Variants in TALDO1 observed in about 807,000 individuals in gnomAD.
TALDO1 encodes transaldolase.
Under a neutral mutation model 38.1 loss-of-function variants are expected in TALDO1, and 29 were observed. The observed-to-expected ratio is 0.76, with a 90% CI of 0.57 to 1.04. The LOEUF is 1.04. TALDO1 is among the 50% of genes least tolerant of loss of function. The probability of loss-of-function intolerance (pLI) is 0.00; values close to 1 mark genes in which losing one functional copy is unlikely to be tolerated. For synonymous variants in TALDO1, 207 were observed against 176.8 expected, an observed-to-expected ratio of 1.17 and a Z score of -1.36; for missense variants, 499 against 438.1, an observed-to-expected ratio of 1.14 and a Z score of -1.24.
Position 764,809 on chromosome 11 carries a change from C to T in TALDO1, c.982-4C>T. 2 of 1,614,180 alleles carry T rather than the reference C, an allele frequency of 1.2e-6. No homozygotes were observed. The highest frequency in any genetic ancestry group is 8.5e-7 in the Non-Finnish European group (1 of 1,180,040). The stretch of plus-strand genomic sequence containing the variant: ...GACACAGCTCGTGCTCTGTTTGTTT[C>T]TAGGAACGAATGTTCAATGCAGAGA... On this transcript the variant is annotated splice_region_variant and splice_polypyrimidine_tract_variant and intron_variant, in intron 7 of 7. Transcript: ENST00000319006.
intron 2 of TALDO1, 133 bp downstream of exon 2, chr11:756,135 C>A: frequency 7.4e-7 from 1 of 1,350,478 alleles, no homozygotes; most frequent in Non-Finnish European, 9.9e-7. Flanking sequence ...TATCTTTTTG[C>A]CTATTTTTGT....
At chr11:764,685 G>C in intron 7 of TALDO1, 128 bp from the exon 8 acceptor site, 3 of 1,483,790 alleles carry the variant, frequency 2.0e-6, no homozygotes, top group Non-Finnish European at 2.8e-6. Flanking sequence ...TGGCCACCCT[G>C]TGGCCGTGGC....
chr11:762,074 T>C (rs1251305454), intron 4 of TALDO1, among the ~76,000 whole-genome samples: 1 of 152,162 alleles, frequency 6.6e-6, no homozygotes, highest in Non-Finnish European at 1.5e-5. Context: ...CAAGAGATTC[T>C]CCTGCCTCAG....
chr11:763,912 C>G lies in TALDO1; in HGVS notation c.803C>G (p.Ala268Gly). 6.2e-7 allele frequency: 1 copy of G among 1,611,962 alleles called. No homozygotes were observed. The highest frequency in any genetic ancestry group is 1.7e-4 in the Middle Eastern group (1 of 5,834). Residue 268 changes from alanine to glycine, a missense_variant, in exon 6 of 8, where the codon GCC becomes GGC. Transcript: ENST00000319006. ...CTGGGAGAGCTGCTGCAGGACAACG[C>G]CAAGCTGGTGCCTGTGCTCTCAGCC... ...KLLGELLQDN[A>G]KLVPVLSAKA...
In TALDO1 at chr11:764,269, G is replaced by T; in HGVS notation, c.836-19G>T. 2 of 1,614,110 alleles carry T rather than the reference G, an allele frequency of 1.2e-6. No homozygotes were observed. Among genetic ancestry groups the T allele is most frequent in the Non-Finnish European group, 1.7e-6 (2 of 1,180,028 alleles). The stretch of plus-strand genomic sequence containing the variant: ...CAGGGACATGGAGCAGGCATGGAAG[G>T]CTGGTTCTTGTCCCCCAGCCCAAGC... On this transcript the variant is annotated intron_variant, in intron 6 of 7. Coordinates refer to ENST00000319006, the MANE Select transcript of TALDO1 (RefSeq NM_006755.2).
chr11:756,156 G>A, intron 2 of TALDO1, 154 bp downstream of exon 2: 1 of 1,144,256 alleles, frequency 8.7e-7, no homozygotes, highest in Non-Finnish European at 1.2e-6. Context: ...TTATTGAAGT[G>A]TAATCTGCAT....
chr11:764,735 T>G (rs1373366558), intron 7 of TALDO1, 78 bp from the exon 8 acceptor site: 2 of 1,609,212 alleles, frequency 1.2e-6, no homozygotes, highest in Non-Finnish European at 1.7e-6. Context: ...CCTCCCTCCT[T>G]CCACATGGTG....
In TALDO1 at chr11:756,002, G is replaced by T. The variant is rs1862831312; in HGVS notation, c.221G>T (p.Gly74Val). The stretch of plus-strand genomic sequence containing the variant: ...ATTGCCTATGGCCGGAAGCTGGGCG[G>T]GTGAGTGCCTGGACTCGGGAGGGTC... The part of the protein sequence containing the change: ...EAIAYGRKLG[G>V]SQEDQIKNAI... The change falls in exon 2 of 8, where the codon GGG becomes GTG. Residue 74 changes from glycine (G) to valine (V), a missense_variant and splice_region_variant. Physicochemically the swap from Gly to Val is moderately radical, Grantham distance 109. Coordinates refer to ENST00000319006, the MANE Select transcript of TALDO1 (RefSeq NM_006755.2). 1 of 1,612,536 alleles carries T rather than the reference G, an allele frequency of 6.2e-7. No individual in the cohort carries two copies. The highest frequency in any genetic ancestry group is 8.5e-7 in the Non-Finnish European group (1 of 1,179,606).
chr11:764,970 T>A lies in TALDO1; in HGVS notation c.*125T>A. 1 of 1,403,096 alleles carries A rather than the reference T, an allele frequency of 7.1e-7. No homozygotes were observed. The highest frequency in any genetic ancestry group is 1.0e-6 in the Non-Finnish European group (1 of 1,000,598). 86.9% of individuals were successfully genotyped at this position (1,403,096 alleles called of 1,614,324 possible). ...AGGGACAGATCATAGATTTCTGATT[T>A]TATGTAAAATTTTGCCTAATACATT... On this transcript the variant is annotated 3_prime_UTR_variant, in exon 8 of 8. Coordinates refer to ENST00000319006, the MANE Select transcript of TALDO1 (RefSeq NM_006755.2).
chr11:751,751 C>T (rs777671674), intron 1 of TALDO1, among the ~76,000 whole-genome samples: 1 of 151,998 alleles, frequency 6.6e-6, no homozygotes, highest in Non-Finnish European at 1.5e-5. Context: ...GCCGGGATCA[C>T]GCCACTGCAC....
intron 4 of TALDO1, among the ~76,000 whole-genome samples, chr11:761,621 C>G (rs576308169): frequency 6.6e-6 from 1 of 152,214 alleles, no homozygotes. Flanking sequence ...TCAAATAATT[C>G]GCATCAGGAA....
intron 1 of TALDO1, among the ~76,000 whole-genome samples, chr11:755,460 C>G (rs1862819050): frequency 2.0e-5 from 3 of 152,128 alleles, no homozygotes; most frequent in African/African-American, 4.8e-5. Context: ...GGCTTCTTGA[C>G]TCTGTTGCAG....
Position 747,486 on chromosome 11 carries a change from C to G in TALDO1, c.5C>G (p.Ser2Trp), listed in dbSNP as rs773292742. M[S>W]SSPVKRQRME... ...CGCAGACCCCTCGGTCTTGCTATGTCGAGCTCACCCGTGAAGCGTCAGAGG... is the reference window on the plus strand; with the variant it reads ...CGCAGACCCCTCGGTCTTGCTATGTGGAGCTCACCCGTGAAGCGTCAGAGG... The change falls in exon 1 of 8, where the codon TCG becomes TGG. Residue 2 changes from serine to tryptophan, a missense_variant. Ser to Trp is a radical substitution (Grantham distance 177). Coordinates refer to ENST00000319006, the MANE Select transcript of TALDO1 (RefSeq NM_006755.2). 6 of 1,595,580 alleles carry G rather than the reference C, an allele frequency of 3.8e-6. No individual in the cohort carries two copies. Among genetic ancestry groups the G allele is most frequent in the African/African-American group, 1.4e-5 (1 of 72,700 alleles).
intron 4 of TALDO1, chr11:761,025 T>A (rs1862916526): frequency 6.6e-6 from 1 of 150,776 alleles, no homozygotes; most frequent in East Asian, 2.0e-4. Context: ...AGCAAGACTC[T>A]GTCTCAAAAA....
At chr11:753,677 T>C (rs1045211736) in intron 1 of TALDO1, among the ~76,000 whole-genome samples, 1 of 152,092 alleles carries the variant, frequency 6.6e-6, no homozygotes, top group African/African-American at 2.4e-5. Flanking sequence ...TGAGCTGAGC[T>C]TGCGCCACTG....
intron 4 of TALDO1, among the ~76,000 whole-genome samples, chr11:762,971 C>G (rs2133580653): frequency 6.6e-6 from 1 of 152,282 alleles, no homozygotes; most frequent in East Asian, 1.9e-4. Flanking sequence ...GGCGCAAGAG[C>G]ACGGGCACCC....
chr11:753,729 A>G (rs547045718), intron 1 of TALDO1, among the ~76,000 whole-genome samples: 7 of 151,910 alleles, frequency 4.6e-5, no homozygotes, highest in African/African-American at 1.7e-4. Context: ...GTCTCGGAAA[A>G]AAATAAAAAA....
intron 1 of TALDO1, among the ~76,000 whole-genome samples, chr11:748,864 C>G (rs1027805626): frequency 1.3e-5 from 2 of 152,192 alleles, no homozygotes; most frequent in African/African-American, 2.4e-5. Context: ...AAAGGGGCTA[C>G]ACATTTTTCT....
At chr11:760,006 TTGGTGCTCACGG>T (rs756995733) in intron 3 of TALDO1, 104 bp from the exon 4 acceptor site, 358 of 1,442,794 alleles carry the variant, frequency 2.5e-4, no homozygotes, top group Non-Finnish European at 3.1e-4. Flanking sequence ...AGGGCAGTGG[TTGGTGCTCACGG>T]TGGTGCTGCT....
Sources: gnomAD v4.1 joint callset for allele counts (sites outside exome capture counted in the v4.1 genomes callset) on GRCh38, gnomAD v4.1.1 for gene constraint, MANE v1.5 for transcripts, NCBI Gene and HGNC (gene_info 2026-07-23, HGNC 2026-07-21) for gene names.